MMP26: variants seen among roughly 807,000 people sequenced by gnomAD.
MMP26 encodes the protein matrix metalloproteinase-26.
A neutral mutation model predicts 31.0 loss-of-function variants in MMP26; 33 were observed. The observed-to-expected ratio is 1.06, with a 90% CI of 0.81 to 1.42. MMP26 has a LOEUF of 1.42. Ranked by LOEUF, MMP26 falls within the 40% of genes most tolerant of loss-of-function variation. The pLI is 0.00. For missense variants in MMP26, 347 were observed against 316.1 expected (o/e 1.10, Z -0.74); for synonymous variants, 122 against 114.9 (o/e 1.06, Z -0.40).
At chr11:4,820,865 C>T (rs1321229325) in intron 2 of MMP26, among the ~76,000 whole-genome samples, 1 of 151,956 alleles carries the variant, frequency 6.6e-6, no homozygotes, top group African/African-American at 2.4e-5. Flanking sequence ...GAACTCCCAA[C>T]AAATGCGATC....
intron 2 of MMP26, among the ~76,000 whole-genome samples, chr11:4,800,967 C>T (rs1187869614): frequency 2.0e-5 from 3 of 151,566 alleles, no homozygotes; most frequent in Non-Finnish European, 4.4e-5. Context: ...ATAGCTTCCT[C>T]ATTTCCATCT....
chr11:4,904,841 G>A (rs946005962), intron 2 of MMP26, among the ~76,000 whole-genome samples: 21 of 152,080 alleles, frequency 1.4e-4, no homozygotes, highest in Non-Finnish European at 2.9e-4. Context: ...TATTTGCTGA[G>A]AGCCTTTTAT....
intron 1 of MMP26, among the ~76,000 whole-genome samples, chr11:4,742,328 C>T (rs1411264549): frequency 7.2e-5 from 11 of 152,056 alleles, no homozygotes; most frequent in Admixed American, 7.2e-4. Context: ...TACGACAGCA[C>T]ATAAAGAGGG....
At chr11:4,931,366 C>A (rs968925239) in intron 2 of MMP26, among the ~76,000 whole-genome samples, 17 of 151,968 alleles carry the variant, frequency 1.1e-4, no homozygotes, top group Non-Finnish European at 2.4e-4. Flanking sequence ...ACACTGTAAC[C>A]TGTGAATAAT....
chr11:4,892,752 T>G (rs778579871), intron 2 of MMP26, among the ~76,000 whole-genome samples: 8 of 152,144 alleles, frequency 5.3e-5, no homozygotes, highest in Non-Finnish European at 1.0e-4. Context: ...GATATAAGAG[T>G]CTTGCTTTGG....
At chr11:4,768,890 C>A in intron 2 of MMP26, 1 of 701,456 alleles carries the variant, frequency 1.4e-6, no homozygotes, top group Non-Finnish European at 2.2e-6. Context: ...TTTAAAAACC[C>A]ACATGCAATA....
At chr11:4,944,714 A>C (rs1291381631) in intron 2 of MMP26, 2 of 152,178 alleles carry the variant, frequency 1.3e-5, no homozygotes, top group African/African-American at 4.8e-5. Flanking sequence ...CATATTAGGA[A>C]GGAAAGTTGG....
At position 4,882,174 on chromosome 11, in the gene MMP26, G is replaced by A. The variant is rs574826889; in HGVS notation, c.-144-105894G>A. On this transcript the variant is annotated intron_variant, in intron 2 of 7. Transcript: ENST00000380390. ...CTTGGTGTTCTCTGGTTTCATGCCCGGGAGATCAGCTTTAAAGCTTGCTTC... is the reference window on the plus strand; with the variant it reads ...CTTGGTGTTCTCTGGTTTCATGCCCAGGAGATCAGCTTTAAAGCTTGCTTC... The A allele has an allele frequency of 3.9e-4, 635 of 1,613,846 alleles. 5 individuals carry two copies. In the South Asian group the frequency reaches 6.3e-3, roughly 16 times the overall value.
At chr11:4,959,561 G>C (rs921442769) in intron 2 of MMP26, among the ~76,000 whole-genome samples, 17 of 152,012 alleles carry the variant, frequency 1.1e-4, no homozygotes, top group Non-Finnish European at 2.2e-4. Context: ...CTGTTGCACG[G>C]GTCTATTTTC....
chr11:4,902,407 A>G (rs1221053987), intron 2 of MMP26, among the ~76,000 whole-genome samples: 1 of 152,100 alleles, frequency 6.6e-6, no homozygotes, highest in Non-Finnish European at 1.5e-5. Context: ...TGCTCAGGAT[A>G]ATGGCTTCCA....
At chr11:4,870,261 T>C (rs1850293179) in intron 2 of MMP26, among the ~76,000 whole-genome samples, 1 of 151,930 alleles carries the variant, frequency 6.6e-6, no homozygotes, top group Non-Finnish European at 1.5e-5. Flanking sequence ...ATGATAGATA[T>C]TGAGTAATAG....
At chr11:4,914,858 A>C in intron 2 of MMP26, 1 of 1,614,102 alleles carries the variant, frequency 6.2e-7, no homozygotes, top group African/African-American at 1.3e-5. Flanking sequence ...CTGCTTTCCA[A>C]AGCGATGGAT....
Position 4,908,078 on chromosome 11 carries a change from C to T in MMP26, c.-144-79990C>T, listed in dbSNP as rs778405684. 2.2e-5 allele frequency: 36 copies of T among 1,614,042 alleles called. No homozygotes were observed. In the Admixed American group the frequency reaches 4.3e-4, roughly 19 times the overall value. On this transcript the variant is annotated intron_variant, in intron 2 of 7. Transcript: ENST00000380390. ...ATCTTTGGCAGAGAGGCTTAAGGCC[C>T]TAAATACCTGTGTCTCCCACATCTG...
intron 2 of MMP26, chr11:4,882,113 G>A: frequency 1.9e-6 from 3 of 1,613,922 alleles, no homozygotes; most frequent in Non-Finnish European, 1.7e-6. Flanking sequence ...GGCAGCTGTT[G>A]ATCTATGTCT....
At chr11:4,981,040 A>G (rs577721813) in intron 2 of MMP26, among the ~76,000 whole-genome samples, 1 of 152,244 alleles carries the variant, frequency 6.6e-6, no homozygotes, top group Admixed American at 6.5e-5. Context: ...CATATTAGTT[A>G]AGTAGCTGAA....
At chr11:4,831,936 C>A (rs1589914452) in intron 2 of MMP26, among the ~76,000 whole-genome samples, 1 of 152,036 alleles carries the variant, frequency 6.6e-6, no homozygotes, top group Non-Finnish European at 1.5e-5. Flanking sequence ...CTGTGATGAA[C>A]CTGTTTAAAT....
At chr11:4,980,361 G>A (rs1846795072) in intron 2 of MMP26, among the ~76,000 whole-genome samples, 1 of 152,038 alleles carries the variant, frequency 6.6e-6, no homozygotes, top group South Asian at 2.1e-4. Flanking sequence ...ACAGTTGTGA[G>A]GGCAGAAGAC....
chr11:4,881,779 G>A (rs774214908), intron 2 of MMP26: 24 of 915,090 alleles, frequency 2.6e-5, no homozygotes, highest in Non-Finnish European at 2.8e-5. Context: ...CTTTAAAACA[G>A]AAGAAAAATA....
At chr11:4,851,163 A>G (rs1401317295) in intron 2 of MMP26, among the ~76,000 whole-genome samples, 1 of 152,186 alleles carries the variant, frequency 6.6e-6, no homozygotes, top group Non-Finnish European at 1.5e-5. Context: ...TGAACTTTGG[A>G]AAATAACAGC....
Sources: gnomAD v4.1 joint callset for allele counts (sites outside exome capture counted in the v4.1 genomes callset) on GRCh38, gnomAD v4.1.1 for gene constraint, MANE v1.5 for transcripts, NCBI Gene and HGNC (gene_info 2026-07-23, HGNC 2026-07-21) for gene names.